Variants in PICALM observed in about 807,000 individuals in gnomAD.
PICALM encodes the protein phosphatidylinositol-binding clathrin assembly protein.
In PICALM, 40 loss-of-function variants were observed where a neutral mutation model predicts 80.5. The ratio of observed to expected loss-of-function variants is 0.50; its 90% CI spans 0.39 to 0.65. The LOEUF is 0.65. Among genes scored for constraint, PICALM ranks in the 30% least tolerant of loss-of-function variants. The pLI is 0.00. For missense variants in PICALM, 676 were observed against 778.9 expected, an observed-to-expected ratio of 0.87 and a Z score of 1.57; for synonymous variants, 288 against 260.3, an observed-to-expected ratio of 1.11 and a Z score of -1.02.
intron 4 of PICALM, among the ~76,000 whole-genome samples, chr11:86,021,759 A>G (rs2095567347): frequency 1.3e-5 from 2 of 152,236 alleles, no homozygotes; most frequent in African/African-American, 4.8e-5. Context: ...CCTAATAGGC[A>G]AAAGTAGAAA....
At chr11:86,060,562 CTT>C (rs1565599767) in intron 1 of PICALM, among the ~76,000 whole-genome samples, 1 of 152,100 alleles carries the variant, frequency 6.6e-6, no homozygotes, top group African/African-American at 2.4e-5. Flanking sequence ...CAAATAATGT[CTT>C]AGTATATGAA....
intron 1 of PICALM, among the ~76,000 whole-genome samples, chr11:86,055,680 T>C (rs1565578864): frequency 6.6e-6 from 1 of 152,316 alleles, no homozygotes; most frequent in Middle Eastern, 3.4e-3. Flanking sequence ...TTTTCCTTAA[T>C]ACAAATGTGT....
intron 8 of PICALM, among the ~76,000 whole-genome samples, chr11:86,005,510 C>G (rs1251360597): frequency 2.6e-5 from 4 of 151,984 alleles, no homozygotes; most frequent in Non-Finnish European, 4.4e-5. Context: ...TTGAGACCAG[C>G]CTGCGGAATA....
At chr11:86,057,227 T>C (rs1226735009) in intron 1 of PICALM, among the ~76,000 whole-genome samples, 1 of 151,588 alleles carries the variant, frequency 6.6e-6, no homozygotes, top group Non-Finnish European at 1.5e-5. Context: ...AAAAAATAAA[T>C]AATTGCAAAA....
At chr11:86,002,415 C>T (rs1383093583) in intron 9 of PICALM, among the ~76,000 whole-genome samples, 1 of 152,142 alleles carries the variant, frequency 6.6e-6, no homozygotes, top group Non-Finnish European at 1.5e-5. Flanking sequence ...AAAAAAGGTT[C>T]ATAAGAAAAC....
chr11:86,035,216 C>T (rs749837333), intron 1 of PICALM, among the ~76,000 whole-genome samples: 51 of 151,712 alleles, frequency 3.4e-4, no homozygotes, highest in Non-Finnish European at 4.7e-4. Flanking sequence ...TAGTGTAGGC[C>T]TTTACAAACT....
chr11:85,979,770 AC>A (rs2094386847), intron 17 of PICALM, among the ~76,000 whole-genome samples: 2 of 152,218 alleles, frequency 1.3e-5, no homozygotes, highest in African/African-American at 4.8e-5. Context: ...TCTAACAGTA[AC>A]AGGACAGCTG....
Position 86,047,189 on chromosome 11 carries a change from G to C in PICALM, c.131-15578C>G, listed in dbSNP as rs1158245309. Among the ~76,000 whole-genome samples the C allele has an allele frequency of 3.9e-5, 6 of 152,290 alleles. No homozygotes were observed. The East Asian group carries it at 9.6e-4, about 24-fold the overall frequency. ...CTCTACCCCCATTTCCATGTGGTCT[G>C]AGTGAGACTTATCATTTTCTCTAAT... On this transcript the variant is annotated intron_variant, in intron 1 of 19. Coordinates refer to ENST00000393346, the MANE Select transcript of PICALM (RefSeq NM_007166.4).
chr11:86,043,928 C>T lies in PICALM; in HGVS notation c.131-12317G>A, dbSNP rs575064025. 3.9e-5 allele frequency among the ~76,000 whole-genome samples: 6 copies of T among 152,290 alleles called. No individual in the cohort carries two copies. The South Asian group carries it at 1.0e-3, about 26-fold the overall frequency. On this transcript the variant is annotated intron_variant, in intron 1 of 19. Transcript: ENST00000393346. ...TCCCTCACTCAGAAAACACAAGTTC[C>T]GTTCCATGTCCCCAATGCACACAGA...
At chr11:86,068,365 TG>T (rs2096476909) in intron 1 of PICALM, among the ~76,000 whole-genome samples, 1 of 151,412 alleles carries the variant, frequency 6.6e-6, no homozygotes, top group African/African-American at 2.4e-5. Context: ...GGAAGCAAGT[TG>T]GTTGGGTATG....
In PICALM at chr11:85,958,154, A is replaced by G. The variant is rs138705131; in HGVS notation, c.*892T>C. The G allele has an allele frequency of 2.4e-3, 533 of 225,576 alleles. 3 individuals carry two copies. Among genetic ancestry groups the G allele is most frequent in the African/African-American group, 0.011 (500 of 45,010 alleles). 14.0% of individuals were successfully genotyped at this position (225,576 alleles called of 1,614,324 possible). On this transcript the variant is annotated 3_prime_UTR_variant, in exon 20 of 20. Transcript: ENST00000393346. ...TGGAAAATAATGACATGCCAAGCAC[A>G]AAGCAGTAAAGATCCTTCCCAATGC...
Position 85,976,687 on chromosome 11 carries a change from C to T in PICALM, c.1780-5G>A. ...ATAGGCCATTACAGGGGGTGCCTAA[C>T]ATAGTGAAAGGAAAAATGAACAAGA... On this transcript the variant is annotated splice_region_variant and splice_polypyrimidine_tract_variant and intron_variant, in intron 17 of 19. Transcript: ENST00000393346. The T allele has an allele frequency of 3.2e-6, 5 of 1,570,284 alleles. No homozygotes were observed. Among genetic ancestry groups the T allele is most frequent in the Non-Finnish European group, 4.4e-6 (5 of 1,140,658 alleles).
chr11:86,052,585 T>TA (rs1270631435), intron 1 of PICALM, among the ~76,000 whole-genome samples: 7 of 152,222 alleles, frequency 4.6e-5, no homozygotes, highest in African/African-American at 1.7e-4. Context: ...CATTCTATAA[T>TA]AAAGTTAATA....
chr11:85,978,076 TG>T (rs757544221), intron 17 of PICALM: 1 of 1,613,108 alleles, frequency 6.2e-7, no homozygotes, highest in Non-Finnish European at 8.5e-7. Context: ...TTACGTATTG[TG>T]GAAAATGCAT....
intron 1 of PICALM, among the ~76,000 whole-genome samples, chr11:86,065,628 G>A (rs2096436763): frequency 6.6e-6 from 1 of 152,076 alleles, no homozygotes; most frequent in Non-Finnish European, 1.5e-5. Context: ...AAATATAAGG[G>A]CTGCTATTCC....
chr11:86,066,558 T>A (rs1380072284), intron 1 of PICALM, among the ~76,000 whole-genome samples: 1 of 152,042 alleles, frequency 6.6e-6, no homozygotes, highest in Non-Finnish European at 1.5e-5. Flanking sequence ...AACATGCAAA[T>A]AGCACTCTTC....
At chr11:85,986,415 G>A (rs1052697613) in intron 13 of PICALM, among the ~76,000 whole-genome samples, 12 of 106,940 alleles carry the variant, frequency 1.1e-4, no homozygotes, top group African/African-American at 1.5e-4. Flanking sequence ...ACGGAGTCTC[G>A]CTCTGTCACC....
intron 3 of PICALM, among the ~76,000 whole-genome samples, chr11:86,024,945 T>A (rs754553131): frequency 3.3e-5 from 5 of 152,206 alleles, no homozygotes; most frequent in African/African-American, 4.8e-5. Context: ...AGCCTCACTG[T>A]TGAATATTCC....
At chr11:86,055,828 G>A (rs1019760600) in intron 1 of PICALM, among the ~76,000 whole-genome samples, 4 of 152,022 alleles carry the variant, frequency 2.6e-5, no homozygotes, top group African/African-American at 9.7e-5. Context: ...TATATCGAAA[G>A]CACAATCGAA....
Sources: gnomAD v4.1 joint callset for allele counts (sites outside exome capture counted in the v4.1 genomes callset) on GRCh38, gnomAD v4.1.1 for gene constraint, MANE v1.5 for transcripts, NCBI Gene and HGNC (gene_info 2026-07-23, HGNC 2026-07-21) for gene names.